Variants in VPS36 observed in about 807,000 individuals in gnomAD.
VPS36 encodes the protein vacuolar protein-sorting-associated protein 36.
In VPS36, 31 loss-of-function variants were observed where a neutral mutation model predicts 63.5. The ratio of observed to expected loss-of-function variants is 0.49; its 90% CI spans 0.37 to 0.66. VPS36 has a LOEUF of 0.66. Ranked by LOEUF, VPS36 falls within the 30% of genes least tolerant of loss-of-function variation. VPS36 has a pLI of 0.00. For missense variants in VPS36, 338 were observed against 463.7 expected (o/e 0.73, Z 2.49); for synonymous variants, 138 against 157.2 (o/e 0.88, Z 0.91).
intron 11 of VPS36, among the ~76,000 whole-genome samples, chr13:52,417,548 C>T (rs1244625839): frequency 5.3e-5 from 8 of 152,228 alleles, no homozygotes; most frequent in South Asian, 2.1e-4. Flanking sequence ...TTAGGAGAGA[C>T]GGGGTTTCTC....
intron 1 of VPS36, 143 bp downstream of exon 1, chr13:52,450,356 C>G (rs1001920694): frequency 1.6e-6 from 2 of 1,224,186 alleles, no homozygotes; most frequent in Non-Finnish European, 2.0e-6. Context: ...CGCTGCACCC[C>G]GCACAGAGGC....
Position 52,450,615 on chromosome 13 carries a change from G to C in VPS36, c.-21C>G, listed in dbSNP as rs112322281. On this transcript the variant is annotated 5_prime_UTR_variant, in exon 1 of 14. Coordinates refer to ENST00000378060, the MANE Select transcript of VPS36 (RefSeq NM_016075.4). ...TCCATGGCCGCTGCCACCCAGCCCCGGCCCTCCGAGGCCGCGAGCAGCGCG... is the reference window on the plus strand; with the variant it reads ...TCCATGGCCGCTGCCACCCAGCCCCCGCCCTCCGAGGCCGCGAGCAGCGCG... 6.1e-4 allele frequency: 949 copies of C among 1,549,416 alleles called. 5 individuals are homozygous for C. In the African/African-American group the frequency reaches 0.012, roughly 20 times the overall value.
intron 12 of VPS36, 85 bp from the exon 13 acceptor site, chr13:52,416,178 A>C: frequency 2.4e-6 from 3 of 1,252,264 alleles, no homozygotes; most frequent in Non-Finnish European, 3.4e-6. Flanking sequence ...GGTAGGCAGA[A>C]TGTATACCAG....
At chr13:52,450,175 G>A (rs992616589) in intron 1 of VPS36, 38 of 1,016,570 alleles carry the variant, frequency 3.7e-5, no homozygotes, top group East Asian at 9.2e-5. Context: ...CGCAGACGGC[G>A]AGCGCTCCTT....
intron 1 of VPS36, 81 bp downstream of exon 1, chr13:52,450,403 ACCGGGCCGCGCCGAC>A (rs1221494852): frequency 4.5e-5 from 61 of 1,347,048 alleles, no homozygotes; most frequent in Admixed American, 7.7e-5. Flanking sequence ...TAAGCCGGGG[ACCGGGCCGCGCCGAC>A]CCGGGCCGCG....
rs1045098583 is a variant in VPS36, at chr13:52,413,835, A to T, written c.*1995T>A. ...AATGGCCTGAAAAAAAAAGATAAAAATACACAAATACATACAAAGGTCTCG... is the reference window on the plus strand; with the variant it reads ...AATGGCCTGAAAAAAAAAGATAAAATTACACAAATACATACAAAGGTCTCG... On this transcript the variant is annotated 3_prime_UTR_variant, in exon 14 of 14. Transcript: ENST00000378060. The T allele has an allele frequency of 6.6e-6, 1 of 152,626 alleles. No individual in the cohort carries two copies. The highest frequency in any genetic ancestry group is 2.4e-5 in the African/African-American group (1 of 41,466). The allele number at this position is 152,626 out of a possible 1,614,324, so 9.5% of individuals were successfully genotyped here. A position where few individuals can be genotyped will look rare whatever the true frequency, so the allele number is the denominator to read the frequency against.
chr13:52,436,195 C>T, intron 4 of VPS36, 95 bp downstream of exon 4: 1 of 760,602 alleles, frequency 1.3e-6, no homozygotes, highest in Non-Finnish European at 2.1e-6. Context: ...ATAATACTAC[C>T]TTCCATCATA....
chr13:52,446,205 G>A (rs1227704009), intron 1 of VPS36, among the ~76,000 whole-genome samples: 1 of 151,668 alleles, frequency 6.6e-6, no homozygotes, highest in African/African-American at 2.4e-5. Context: ...AGCAGAGGTT[G>A]CGGTGAGCCA....
At chr13:52,442,336 CA>C in intron 2 of VPS36, 40 bp downstream of exon 2, 9 of 1,555,152 alleles carry the variant, frequency 5.8e-6, no homozygotes, top group Non-Finnish European at 7.0e-6. Flanking sequence ...AATAAATAAA[CA>C]AAATAAAACC....
chr13:52,441,731 G>A lies in VPS36; in HGVS notation c.165+646C>T, dbSNP rs148897904. 7.3e-3 allele frequency among the ~76,000 whole-genome samples: 1,103 copies of A among 152,004 alleles called. 18 individuals are homozygous for A. Among genetic ancestry groups the A allele is most frequent in the African/African-American group, 0.026 (1,065 of 41,460 alleles). On this transcript the variant is annotated intron_variant, in intron 2 of 13. Transcript: ENST00000378060. The stretch of plus-strand genomic sequence containing the variant: ...TGCGCCACTGCACTCCAGCCTGGGC[G>A]AAAGAGCGAGACTCCATCTCAAAAA...
At chr13:52,444,215 T>A (rs768279666) in intron 1 of VPS36, among the ~76,000 whole-genome samples, 36 of 152,136 alleles carry the variant, frequency 2.4e-4, no homozygotes, top group Non-Finnish European at 3.4e-4. Context: ...CCCAGCACTT[T>A]GGGAGGCCAA....
chr13:52,418,991 T>C (rs548558691), intron 10 of VPS36, among the ~76,000 whole-genome samples: 1 of 152,358 alleles, frequency 6.6e-6, no homozygotes, highest in Admixed American at 6.5e-5. Context: ...TTTCTAAGTT[T>C]CAATTTCCTA....
intron 6 of VPS36, among the ~76,000 whole-genome samples, chr13:52,432,231 G>A (rs1958166584): frequency 6.6e-6 from 1 of 151,618 alleles, no homozygotes; most frequent in African/African-American, 2.4e-5. Context: ...GGCGCCTATA[G>A]GCCCAGCTAC....
chr13:52,435,533 C>T (rs1444027702), intron 4 of VPS36, among the ~76,000 whole-genome samples: 2 of 152,114 alleles, frequency 1.3e-5, no homozygotes, highest in Non-Finnish European at 2.9e-5. Flanking sequence ...GAAACAAACA[C>T]AGTGCCAGGA....
rs1434120362 is a variant in VPS36, at chr13:52,413,883, TA to T, written c.*1946del. 1 of 152,416 alleles carries T rather than the reference TA, an allele frequency of 6.6e-6. No homozygotes were observed. 9.4% of individuals were successfully genotyped at this position (152,416 alleles called of 1,614,324 possible). A position where few individuals can be genotyped will look rare whatever the true frequency, so the allele number is the denominator to read the frequency against. ...TCGAAACAGTGAAGAATGCCCACTT[TA>T]AAAATAAAATCAATCATACTCATTT... On this transcript the variant is annotated 3_prime_UTR_variant, in exon 14 of 14. Transcript: ENST00000378060.
intron 10 of VPS36, among the ~76,000 whole-genome samples, chr13:52,420,623 G>A (rs1189945611): frequency 5.9e-5 from 9 of 151,756 alleles, no homozygotes; most frequent in South Asian, 2.1e-4. Flanking sequence ...ATGAGCCAGC[G>A]CACCCGGCCC....
Position 52,413,379 on chromosome 13 carries a change from T to C in VPS36, c.*2451A>G, listed in dbSNP as rs999303414. On this transcript the variant is annotated 3_prime_UTR_variant, in exon 14 of 14. Coordinates refer to ENST00000378060, the MANE Select transcript of VPS36 (RefSeq NM_016075.4). ...CTAAAACAGTAAGAGCTCAATGTCA[T>C]AAGTATTTATAAGCAACTCTTAATT... The C allele has an allele frequency of 9.6e-5, 14 of 146,552 alleles. No individual in the cohort carries two copies. The highest frequency in any genetic ancestry group is 2.9e-4 in the African/African-American group (12 of 41,106). 9.1% of individuals were successfully genotyped at this position (146,552 alleles called of 1,614,324 possible).
In VPS36 at chr13:52,414,084, T is replaced by A. The variant is rs1271220868; in HGVS notation, c.*1746A>T. The A allele has an allele frequency of 6.6e-6, 1 of 152,154 alleles. No individual in the cohort carries two copies. Among genetic ancestry groups the A allele is most frequent in the Non-Finnish European group, 1.5e-5 (1 of 68,036 alleles). The allele number at this position is 152,154 out of a possible 1,614,324, so 9.4% of individuals were successfully genotyped here. A position where few individuals can be genotyped will look rare whatever the true frequency, so the allele number is the denominator to read the frequency against. On this transcript the variant is annotated 3_prime_UTR_variant, in exon 14 of 14. Transcript: ENST00000378060. Reference sequence around the variant, plus strand: ...TGAATCCAAACCATTAGCGCTAGATTGAGTAGCTCCAGCAATCTTCCTTGC... The same window carrying A: ...TGAATCCAAACCATTAGCGCTAGATAGAGTAGCTCCAGCAATCTTCCTTGC...
chr13:52,420,008 A>AG (rs1177504468), intron 10 of VPS36, among the ~76,000 whole-genome samples: 3 of 152,158 alleles, frequency 2.0e-5, no homozygotes, highest in Non-Finnish European at 4.4e-5. Flanking sequence ...TGGGAGGCCA[A>AG]GGGGGGTGGA....
Sources: gnomAD v4.1 joint callset for allele counts (sites outside exome capture counted in the v4.1 genomes callset) on GRCh38, gnomAD v4.1.1 for gene constraint, MANE v1.5 for transcripts, NCBI Gene and HGNC (gene_info 2026-07-23, HGNC 2026-07-21) for gene names.